CRY2: variants seen among roughly 807,000 people sequenced by gnomAD.
CRY2 encodes cryptochrome-2.
A neutral mutation model predicts 69.5 loss-of-function variants in CRY2; 31 were observed. That is an observed-to-expected ratio of 0.45 (90% confidence interval 0.34 to 0.60). The LOEUF (loss-of-function observed/expected upper bound fraction) is 0.60, where lower values mean the gene tolerates loss of function less well. Ranked by LOEUF, CRY2 falls within the 20% of genes least tolerant of loss-of-function variation. CRY2 has a pLI of 0.02. For synonymous variants in CRY2, 303 were observed against 312.2 expected (o/e 0.97, Z 0.31); for missense variants, 606 against 797.8 (o/e 0.76, Z 2.90).
intron 1 of CRY2, among the ~76,000 whole-genome samples, chr11:45,850,816 C>T (rs1429195936): frequency 6.6e-6 from 1 of 152,074 alleles, no homozygotes; most frequent in East Asian, 1.9e-4. Flanking sequence ...GACTCTGTTT[C>T]CCTCCTGCTC....
intron 3 of CRY2, among the ~76,000 whole-genome samples, chr11:45,859,179 C>T (rs535982071): frequency 1.3e-5 from 2 of 152,120 alleles, no homozygotes; most frequent in Non-Finnish European, 2.9e-5. Context: ...CTCATATTCC[C>T]ACTTCCATCC....
intron 11 of CRY2, among the ~76,000 whole-genome samples, chr11:45,874,182 G>A (rs2086408201): frequency 1.3e-5 from 2 of 151,902 alleles, no homozygotes; most frequent in African/African-American, 4.8e-5. Flanking sequence ...CGGGAGGCTG[G>A]GGCAAGAGAA....
intron 5 of CRY2, among the ~76,000 whole-genome samples, chr11:45,864,458 A>C (rs1476214962): frequency 6.6e-6 from 1 of 152,020 alleles, no homozygotes; most frequent in Non-Finnish European, 1.5e-5. Context: ...CCTCATCTCT[A>C]AATAAAAACA....
upstream of CRY2, chr11:45,847,366 C>T (rs1235767721): frequency 1.9e-5 from 30 of 1,599,290 alleles, no homozygotes; most frequent in Non-Finnish European, 2.3e-5. Flanking sequence ...CAGAGGGGCT[C>T]TGGGGCCCTG....
intron 2 of CRY2, 33 bp from the exon 3 acceptor site, chr11:45,858,698 C>T: frequency 1.3e-6 from 2 of 1,594,306 alleles, no homozygotes; most frequent in Non-Finnish European, 1.7e-6. Context: ...TCCCCAAACA[C>T]AGTGTTGAGC....
At chr11:45,868,157 A>G (rs2086346513) in intron 6 of CRY2, among the ~76,000 whole-genome samples, 1 of 152,222 alleles carries the variant, frequency 6.6e-6, no homozygotes, top group African/African-American at 2.4e-5. Context: ...TGTCCACAGC[A>G]TTCAAAAGGG....
rs1308494289 is a variant in CRY2 at position 45,858,842 on chromosome 11, G to T, written c.436G>T (p.Glu146Ter). ...AKEAGVEVVT[E>*]NSHTLYDLDR... is the part of the protein sequence containing the mutation. ...GGAGGCTGGTGTGGAAGTAGTGACGGAGAATTCTCATACCCTCTATGACCT... is the reference window on the plus strand; with the variant it reads ...GGAGGCTGGTGTGGAAGTAGTGACGTAGAATTCTCATACCCTCTATGACCT... Residue 146 changes from glutamate (E) to a stop codon, truncating the protein, a stop_gained, in exon 3 of 12, where the codon GAG (glutamate) becomes TAG (stop). Coordinates refer to ENST00000616080, the MANE Select transcript of CRY2 (RefSeq NM_021117.5). LOFTEE classifies it high-confidence loss of function. 6.2e-7 allele frequency: 1 copy of T among 1,614,192 alleles called. No individual in the cohort carries two copies. The highest frequency in any genetic ancestry group is 8.5e-7 in the Non-Finnish European group (1 of 1,180,028).
upstream of CRY2, chr11:45,847,472 T>C (rs1459367109): frequency 6.3e-7 from 1 of 1,599,140 alleles, no homozygotes; most frequent in East Asian, 2.2e-5. Context: ...CGGGGGTGGC[T>C]GGAGCAGTCT....
Position 45,860,998 on chromosome 11 carries a change from C to CGA in CRY2, c.621_622dup (p.Thr208ArgfsTer52). On this transcript the variant is annotated frameshift_variant, in exon 4 of 12. Transcript: ENST00000616080. LOFTEE classifies it high-confidence loss of function. Reference sequence around the variant, plus strand: ...GGGCCGAGATCCAGGAGAACCACGACGAGACCTACGGCGTGCCCTCCCTGG... The same window carrying CGA: ...GGGCCGAGATCCAGGAGAACCACGACGAGAGACCTACGGCGTGCCCTCCCTGG... The CGA allele has an allele frequency of 6.2e-7, 1 of 1,613,722 alleles. No homozygotes were observed. The highest frequency in any genetic ancestry group is 8.5e-7 in the Non-Finnish European group (1 of 1,180,020).
chr11:45,848,539 T>C (rs1414023916), intron 1 of CRY2, among the ~76,000 whole-genome samples: 1 of 152,164 alleles, frequency 6.6e-6, no homozygotes, highest in Non-Finnish European at 1.5e-5. Context: ...AGCCATGATA[T>C]CAAGGGCCCC....
At chr11:45,866,604 TCA>T (rs1313928438) in intron 5 of CRY2, among the ~76,000 whole-genome samples, 1 of 152,162 alleles carries the variant, frequency 6.6e-6, no homozygotes, top group Non-Finnish European at 1.5e-5. Context: ...AGCCTTGTGG[TCA>T]CCTGAGGTTT....
Position 45,867,608 on chromosome 11 carries a change from G to C in CRY2, c.742-4G>C. ...CCTTTTGCCACCTTCTCTTTCTGCT[G>C]TAGGCCTGGGTTGCCAACTATGAGA... On this transcript the variant is annotated splice_region_variant and splice_polypyrimidine_tract_variant and intron_variant, in intron 5 of 11. Transcript: ENST00000616080. 1 of 1,614,114 alleles carries C rather than the reference G, an allele frequency of 6.2e-7. No individual in the cohort carries two copies. The highest frequency in any genetic ancestry group is 8.5e-7 in the Non-Finnish European group (1 of 1,179,994).
intron 5 of CRY2, 136 bp from the exon 6 acceptor site, chr11:45,867,476 G>A: frequency 4.4e-6 from 5 of 1,143,178 alleles, no homozygotes; most frequent in Admixed American, 4.5e-5. Flanking sequence ...AAATCGGCTG[G>A]ACAAGCACAG....
chr11:45,870,268 C>T, intron 8 of CRY2, 62 bp from the exon 9 acceptor site: 1 of 1,612,722 alleles, frequency 6.2e-7, no homozygotes, highest in Non-Finnish European at 8.5e-7. Flanking sequence ...GATGGGATAC[C>T]CTGGGCCTTT....
chr11:45,866,102 G>C (rs2086328715), intron 5 of CRY2, among the ~76,000 whole-genome samples: 1 of 152,236 alleles, frequency 6.6e-6, no homozygotes, highest in Admixed American at 6.5e-5. Context: ...CTAGGATTGT[G>C]CCTTGGGCAG....
At chr11:45,875,548 T>G (rs1003089668) in intron 11 of CRY2, among the ~76,000 whole-genome samples, 3 of 152,034 alleles carry the variant, frequency 2.0e-5, no homozygotes, top group African/African-American at 7.2e-5. Flanking sequence ...TGCCCTGGAG[T>G]CCAGAAGATT....
At chr11:45,874,347 A>G (rs966768531) in intron 11 of CRY2, among the ~76,000 whole-genome samples, 13 of 152,294 alleles carry the variant, frequency 8.5e-5, no homozygotes, top group African/African-American at 3.1e-4. Context: ...TAATAGCTCA[A>G]TTACTGTGGC....
intron 6 of CRY2, chr11:45,867,994 A>G (rs972944323): frequency 3.3e-5 from 17 of 515,912 alleles, no homozygotes; most frequent in African/African-American, 3.0e-4. Flanking sequence ...GCAGAAGGAC[A>G]GGCAGAAAAG....
chr11:45,866,951 G>T (rs1442679857), intron 5 of CRY2, among the ~76,000 whole-genome samples: 1 of 151,778 alleles, frequency 6.6e-6, no homozygotes, highest in Non-Finnish European at 1.5e-5. Flanking sequence ...GCAAAACTCT[G>T]TCTCAAAAAA....
Sources: gnomAD v4.1 joint callset for allele counts (sites outside exome capture counted in the v4.1 genomes callset) on GRCh38, gnomAD v4.1.1 for gene constraint, MANE v1.5 for transcripts, NCBI Gene and HGNC (gene_info 2026-07-23, HGNC 2026-07-21) for gene names.